The following SGCZ variants were observed in gnomAD, a reference collection of about 807,000 sequenced individuals.
SGCZ encodes sarcoglycan zeta, also known as zeta-sarcoglycan.
SGCZ carries 40 observed loss-of-function variants against 41.3 expected under a neutral mutation model. That is an observed-to-expected ratio of 0.97 (90% CI 0.75 to 1.26). The LOEUF (loss-of-function observed/expected upper bound fraction) is 1.26. Ranked by LOEUF, SGCZ falls within the 50% of genes most tolerant of loss-of-function variation. The pLI, the probability that SGCZ is intolerant of heterozygous loss-of-function variation, is 0.00. For synonymous variants in SGCZ, 206 were observed against 137.5 expected (o/e 1.50, Z -3.49); for missense variants, 552 against 369.8 (o/e 1.49, Z -4.04).
chr8:15,196,820 G>A (rs1800747303), intron 1 of SGCZ, among the ~76,000 whole-genome samples: 1 of 152,166 alleles, frequency 6.6e-6, no homozygotes, highest in African/African-American at 2.4e-5. Flanking sequence ...TTCTGGTGGT[G>A]GCTGGGCTCA....
intron 2 of SGCZ, among the ~76,000 whole-genome samples, chr8:14,420,868 A>G (rs10096208): frequency 0.7 from 106,410 of 152,020 alleles, 37,528 homozygotes; most frequent in South Asian, 0.81. Context: ...GAATAAAGGA[A>G]TACTTGCTTT....
chr8:15,050,647 T>A (rs1484497584), intron 1 of SGCZ, among the ~76,000 whole-genome samples: 2 of 152,130 alleles, frequency 1.3e-5, no homozygotes, highest in Non-Finnish European at 2.9e-5. Context: ...GAGGTCAACC[T>A]TTCATCAGAG....
At chr8:14,817,437 G>A (rs6985587) in intron 1 of SGCZ, among the ~76,000 whole-genome samples, 37,015 of 152,074 alleles carry the variant, frequency 0.24, 5,764 homozygotes, top group East Asian at 0.58. Context: ...AGAGTAGGAG[G>A]CCAACTTAGG....
chr8:15,072,055 G>A (rs1378036), intron 1 of SGCZ, among the ~76,000 whole-genome samples: 11,322 of 152,042 alleles, frequency 0.074, 730 homozygotes, highest in African/African-American at 0.17. Context: ...GTATCTTCTC[G>A]GTTTTCATAA....
At chr8:14,817,005 G>A (rs1801924089) in intron 1 of SGCZ, among the ~76,000 whole-genome samples, 1 of 152,176 alleles carries the variant, frequency 6.6e-6, no homozygotes, top group African/African-American at 2.4e-5. Flanking sequence ...TGAAGGTCAA[G>A]TGGTACCATC....
At chr8:15,108,400 C>T (rs989448999) in intron 1 of SGCZ, among the ~76,000 whole-genome samples, 3 of 152,116 alleles carry the variant, frequency 2.0e-5, no homozygotes, top group Admixed American at 1.3e-4. Context: ...GAATAAATAT[C>T]TTTACACACC....
rs554402589 is a variant in SGCZ, at chr8:15,189,418, T to C, written c.39+48167A>G. Among the ~76,000 whole-genome samples, 169 of 152,324 alleles carry C rather than the reference T, an allele frequency of 1.1e-3. 1 individual carries two copies. Among genetic ancestry groups the C allele is most frequent in the Admixed American group, 7.6e-3 (116 of 15,296 alleles). The stretch of plus-strand genomic sequence containing the variant: ...CCTCCTCCAAATGGTCATTTTCACT[T>C]TTTGTAAAGAAAGCTTTCCCTCCAA... On this transcript the variant is annotated intron_variant, in intron 1 of 7. Coordinates refer to ENST00000382080, the MANE Select transcript of SGCZ (RefSeq NM_139167.4).
intron 1 of SGCZ, among the ~76,000 whole-genome samples, chr8:14,775,464 T>C (rs1800374124): frequency 2.7e-5 from 1 of 36,782 alleles, no homozygotes; most frequent in East Asian, 9.2e-4. Context: ...TATTTGAGTG[T>C]GTGTGTGTGT....
chr8:14,860,230 C>T (rs1422996247), intron 1 of SGCZ, among the ~76,000 whole-genome samples: 2 of 150,998 alleles, frequency 1.3e-5, no homozygotes, highest in African/African-American at 2.4e-5. Flanking sequence ...CATTTTATGA[C>T]CTTCGTTCGA....
intron 2 of SGCZ, among the ~76,000 whole-genome samples, chr8:14,408,693 C>T (rs567209594): frequency 3.3e-4 from 50 of 152,268 alleles, no homozygotes; most frequent in African/African-American, 1.0e-3. Context: ...ACTTTCCCCT[C>T]ATCTAGTCCT....
intron 1 of SGCZ, among the ~76,000 whole-genome samples, chr8:14,684,667 A>T (rs1167887235): frequency 2.6e-5 from 4 of 150,970 alleles, no homozygotes; most frequent in African/African-American, 9.9e-5. Context: ...CTGAGGCTGA[A>T]ATAGTTTCGA....
At chr8:14,777,898 CAAAA>C (rs200331185) in intron 1 of SGCZ, among the ~76,000 whole-genome samples, 1 of 119,242 alleles carries the variant, frequency 8.4e-6, no homozygotes, top group Non-Finnish European at 1.8e-5. Context: ...AAATTATTTC[CAAAA>C]AAAAAAAAAA....
At chr8:15,040,294 G>T (rs1804043697) in intron 1 of SGCZ, among the ~76,000 whole-genome samples, 1 of 152,132 alleles carries the variant, frequency 6.6e-6, no homozygotes, top group Non-Finnish European at 1.5e-5. Flanking sequence ...TGATACATTA[G>T]TCTTAAATGT....
chr8:14,367,773 C>G (rs1425600671), intron 2 of SGCZ, among the ~76,000 whole-genome samples: 7 of 152,108 alleles, frequency 4.6e-5, no homozygotes, highest in Admixed American at 4.6e-4. Flanking sequence ...TCTCCCTAAA[C>G]ACTTGGGGAC....
chr8:14,838,986 C>T (rs867203715), intron 1 of SGCZ, among the ~76,000 whole-genome samples: 1 of 152,078 alleles, frequency 6.6e-6, no homozygotes, highest in Admixed American at 6.6e-5. Flanking sequence ...TTCAGGTGAT[C>T]TCCTCAGTAT....
chr8:14,339,479 C>T (rs1012361106), intron 2 of SGCZ, among the ~76,000 whole-genome samples: 8 of 152,234 alleles, frequency 5.3e-5, no homozygotes, highest in Admixed American at 4.6e-4. Flanking sequence ...CATCCATGCT[C>T]TTCCAAGCTT....
At chr8:14,280,467 G>A (rs17118931) in intron 3 of SGCZ, among the ~76,000 whole-genome samples, 46,090 of 151,394 alleles carry the variant, frequency 0.3, 7,237 homozygotes, top group South Asian at 0.47. Context: ...AATTTTTAAG[G>A]GACTGGGCTA....
At chr8:15,186,458 C>G (rs1800348980) in intron 1 of SGCZ, among the ~76,000 whole-genome samples, 1 of 151,970 alleles carries the variant, frequency 6.6e-6, no homozygotes, top group Non-Finnish European at 1.5e-5. Flanking sequence ...CAGTATTTTG[C>G]TTACCCAAAA....
At chr8:14,516,194 A>G (rs1458812883) in intron 2 of SGCZ, among the ~76,000 whole-genome samples, 2 of 151,800 alleles carry the variant, frequency 1.3e-5, no homozygotes, top group South Asian at 2.1e-4. Flanking sequence ...GGTTTGATAC[A>G]TCGTAAACTC....
Sources: allele counts gnomAD v4.1 joint callset (sites outside exome capture counted in the v4.1 genomes callset), GRCh38; gene constraint gnomAD v4.1.1; transcripts MANE v1.5; gene names NCBI Gene and HGNC (gene_info 2026-07-23, HGNC 2026-07-21).